GALNT13: variants seen among roughly 807,000 people sequenced by gnomAD.
GALNT13 encodes the protein polypeptide N-acetylgalactosaminyltransferase 13.
In GALNT13, 28 loss-of-function variants were observed where a neutral mutation model predicts 64.2. The ratio of observed to expected loss-of-function variants is 0.44; its 90% confidence interval spans 0.32 to 0.60. GALNT13 has a LOEUF of 0.60. GALNT13 is among the 20% of genes least tolerant of loss of function. The pLI, the probability that GALNT13 is intolerant of heterozygous loss-of-function variation, is 0.05. For missense variants in GALNT13, 577 were observed against 669.8 expected (o/e 0.86, Z 1.53); for synonymous variants, 214 against 224.6 (o/e 0.95, Z 0.42).
chr2:153,998,890 T>C (rs537313505), intron 3 of GALNT13, among the ~76,000 whole-genome samples: 1 of 152,186 alleles, frequency 6.6e-6, no homozygotes, highest in South Asian at 2.1e-4. Flanking sequence ...ATTTATTAAA[T>C]AGGGAACCCT....
the GALNT13 span, among the ~76,000 whole-genome samples, chr2:153,635,398 G>GTA: frequency 2.6e-3 from 316 of 120,782 alleles, 7 homozygotes; most frequent in Non-Finnish European, 3.5e-3. Flanking sequence ...CAGTAAATAT[G>GTA]TATATATATA....
the GALNT13 span, among the ~76,000 whole-genome samples, chr2:153,196,619 G>T: frequency 1.3e-5 from 2 of 151,996 alleles, no homozygotes; most frequent in Non-Finnish European, 2.9e-5. Flanking sequence ...CATGGAGCAT[G>T]CAGGCAGCCC....
chr2:154,103,070 AT>A (rs906246914), intron 3 of GALNT13, among the ~76,000 whole-genome samples: 15 of 150,224 alleles, frequency 1.0e-4, no homozygotes, highest in South Asian at 6.3e-4. Context: ...AAGATCAAGT[AT>A]TTTTTTTTCA....
intron 3 of GALNT13, among the ~76,000 whole-genome samples, chr2:153,983,436 C>A (rs764982980): frequency 4.6e-4 from 70 of 151,724 alleles, no homozygotes; most frequent in Non-Finnish European, 7.8e-4. Flanking sequence ...TTAGAAACCA[C>A]AACTTAGATT....
At chr2:153,208,973 C>CTGTTT in the GALNT13 span, among the ~76,000 whole-genome samples, 1 of 74,682 alleles carries the variant, frequency 1.3e-5, no homozygotes, top group African/African-American at 5.8e-5. Flanking sequence ...TGGTTTTGGT[C>CTGTTT]TTTTTTTTTT....
the GALNT13 span, among the ~76,000 whole-genome samples, chr2:153,304,792 A>G: frequency 1.3e-5 from 2 of 152,170 alleles, no homozygotes; most frequent in South Asian, 2.1e-4. Flanking sequence ...TTAACCTTAT[A>G]CATTCCAAGT....
chr2:154,445,969 A>G, intron 12 of GALNT13: 1 of 465,576 alleles, frequency 2.1e-6, no homozygotes, highest in South Asian at 1.7e-5. Context: ...TTAAGAGTTA[A>G]TCTTTTTCTT....
the GALNT13 span, among the ~76,000 whole-genome samples, chr2:153,547,701 A>G: frequency 6.6e-6 from 1 of 151,794 alleles, no homozygotes; most frequent in Non-Finnish European, 1.5e-5. Flanking sequence ...AATTATATAG[A>G]GTAGATCTTG....
chr2:153,366,504 GAA>G, the GALNT13 span, among the ~76,000 whole-genome samples: 1 of 151,886 alleles, frequency 6.6e-6, no homozygotes, highest in Non-Finnish European at 1.5e-5. Context: ...GAGAGAGAAA[GAA>G]AGAAACAGAA....
chr2:153,253,722 A>G, the GALNT13 span, among the ~76,000 whole-genome samples: 1 of 150,646 alleles, frequency 6.6e-6, no homozygotes, highest in African/African-American at 2.4e-5. Flanking sequence ...ATCTATTGAG[A>G]TAATCATGTG....
chr2:153,266,890 A>G, the GALNT13 span, among the ~76,000 whole-genome samples: 138 of 152,278 alleles, frequency 9.1e-4, 2 homozygotes, highest in Middle Eastern at 3.4e-3. Context: ...CATTACCCCA[A>G]AAGTCCAAGT....
the GALNT13 span, among the ~76,000 whole-genome samples, chr2:153,517,826 T>A: frequency 6.6e-6 from 1 of 152,226 alleles, no homozygotes; most frequent in African/African-American, 2.4e-5. Flanking sequence ...ATGTATATAG[T>A]TTCAAGGTAT....
At chr2:153,282,693 G>A in the GALNT13 span, among the ~76,000 whole-genome samples, 19 of 152,282 alleles carry the variant, frequency 1.2e-4, no homozygotes, top group East Asian at 3.7e-3. Flanking sequence ...TAGAATTACA[G>A]GTATGAGCCA....
At chr2:153,943,472 T>C (rs188080310) in intron 2 of GALNT13, among the ~76,000 whole-genome samples, 1 of 147,814 alleles carries the variant, frequency 6.8e-6, no homozygotes, top group African/African-American at 2.5e-5. Context: ...TATGTATTTA[T>C]TTTATTTTAT....
At chr2:154,308,989 A>AG (rs762969266) in intron 9 of GALNT13, among the ~76,000 whole-genome samples, 15 of 152,140 alleles carry the variant, frequency 9.9e-5, no homozygotes, top group Non-Finnish European at 2.2e-4. Flanking sequence ...TTTTATAATA[A>AG]GGATACTGCC....
chr2:153,830,475 A>C, the GALNT13 span, among the ~76,000 whole-genome samples: 1 of 152,180 alleles, frequency 6.6e-6, no homozygotes, highest in Admixed American at 6.5e-5. Context: ...CTGTCAGCTG[A>C]GCATGGGAAT....
the GALNT13 span, among the ~76,000 whole-genome samples, chr2:153,255,375 G>C: frequency 3.6e-5 from 5 of 137,358 alleles, no homozygotes; most frequent in Admixed American, 1.5e-4. Flanking sequence ...CTGCACGTGA[G>C]ATGGTTTTCC....
chr2:153,176,318 A>C, the GALNT13 span, among the ~76,000 whole-genome samples: 93 of 152,288 alleles, frequency 6.1e-4, no homozygotes, highest in African/African-American at 2.1e-3. Flanking sequence ...ATGTACGTAT[A>C]TACACATTGT....
the GALNT13 span, among the ~76,000 whole-genome samples, chr2:153,812,614 A>G: frequency 1.3e-5 from 2 of 152,222 alleles, no homozygotes; most frequent in South Asian, 2.1e-4. Flanking sequence ...TAGAGGGAAG[A>G]GAATGCTTAT....
Sources: allele counts gnomAD v4.1 joint callset (sites outside exome capture counted in the v4.1 genomes callset), GRCh38; gene constraint gnomAD v4.1.1; transcripts MANE v1.5; gene names NCBI Gene and HGNC (gene_info 2026-07-23, HGNC 2026-07-21).